The following UBXN4 variants were observed in gnomAD, a reference collection of about 807,000 sequenced individuals.
UBXN4 encodes UBX domain protein 4, also known as UBX domain-containing protein 4.
In UBXN4, 35 loss-of-function variants were observed where a neutral mutation model predicts 66.2. That is an observed-to-expected ratio of 0.53 (90% CI 0.40 to 0.70). The LOEUF is 0.70. Among genes scored for constraint, UBXN4 ranks in the 30% least tolerant of loss-of-function variants. The pLI, the probability that UBXN4 is intolerant of heterozygous loss-of-function variation, is 0.00. For missense variants in UBXN4, 533 were observed against 599.8 expected (o/e 0.89, Z 1.16); for synonymous variants, 203 against 204.5 (o/e 0.99, Z 0.06).
intron 1 of UBXN4, among the ~76,000 whole-genome samples, chr2:135,746,762 G>A (rs540731893): frequency 6.6e-6 from 1 of 152,286 alleles, no homozygotes; most frequent in East Asian, 1.9e-4. Context: ...AAGGAATGAG[G>A]TCACAGAGGT....
chr2:135,755,206 A>G (rs2077272193), intron 4 of UBXN4, among the ~76,000 whole-genome samples: 1 of 151,852 alleles, frequency 6.6e-6, no homozygotes, highest in Admixed American at 6.5e-5. Flanking sequence ...GTTATACTCA[A>G]TAATTAATCA....
intron 8 of UBXN4, 125 bp from the exon 9 acceptor site, chr2:135,772,295 C>A: frequency 8.5e-7 from 1 of 1,174,470 alleles, no homozygotes; most frequent in Non-Finnish European, 1.2e-6. Context: ...TGCACTCCAG[C>A]CTTGATGACA....
In UBXN4 at chr2:135,770,575, A is replaced by T. The variant is rs2077377674; in HGVS notation, c.662A>T (p.Glu221Val). 2 of 1,485,104 alleles carry T rather than the reference A, an allele frequency of 1.3e-6. No individual in the cohort carries two copies. Among genetic ancestry groups the T allele is most frequent in the Non-Finnish European group, 1.8e-6 (2 of 1,116,044 alleles). 92.0% of individuals were successfully genotyped at this position (1,485,104 alleles called of 1,614,324 possible). A position where few individuals can be genotyped will look rare whatever the true frequency, so the allele number is the denominator to read the frequency against. ...EEKRKEEEQR[E>V]IKKEIERRKT... ...AAAACTTTTTCTTTAATTCAGAGAGAAATTAAGAAGGAAATTGAGAGGAGA... is the reference window on the plus strand; with the variant it reads ...AAAACTTTTTCTTTAATTCAGAGAGTAATTAAGAAGGAAATTGAGAGGAGA... The change falls in exon 8 of 13, where the codon GAA becomes GTA. Residue 221 changes from glutamate (E) to valine (V), a missense_variant. Glu to Val is a moderately radical substitution (Grantham distance 121). Transcript: ENST00000272638.
Position 135,784,726 on chromosome 2 carries a change from A to C in UBXN4, c.*1839A>C, listed in dbSNP as rs1164115441. On this transcript the variant is annotated 3_prime_UTR_variant, in exon 13 of 13. Coordinates refer to ENST00000272638, the MANE Select transcript of UBXN4 (RefSeq NM_014607.4). ...GACCCTACTAATAATTATTAGAAAT[A>C]CATTTAAAAACATCGAGTACCTCAA... 6.5e-6 allele frequency: 1 copy of C among 152,684 alleles called. No homozygotes were observed. The highest frequency in any genetic ancestry group is 1.5e-5 in the Non-Finnish European group (1 of 68,036). 9.5% of individuals were successfully genotyped at this position (152,684 alleles called of 1,614,324 possible).
At chr2:135,779,880 TATA>T (rs72432173) in intron 11 of UBXN4, among the ~76,000 whole-genome samples, 74,895 of 138,976 alleles carry the variant, frequency 0.54, 23,851 homozygotes, top group Non-Finnish European at 0.74. Context: ...ATTTTATAAT[TATA>T]ATATATTATA....
chr2:135,743,161 G>A (rs1283940120), intron 1 of UBXN4, among the ~76,000 whole-genome samples: 1 of 152,204 alleles, frequency 6.6e-6, no homozygotes, highest in Non-Finnish European at 1.5e-5. Flanking sequence ...ATGCACTGCA[G>A]TGAAGAACGA....
chr2:135,743,645 G>A (rs376031306), intron 1 of UBXN4, among the ~76,000 whole-genome samples: 2 of 152,088 alleles, frequency 1.3e-5, no homozygotes, highest in East Asian at 3.9e-4. Context: ...TTGTAAATTG[G>A]TGATTTAAAT....
rs144685024 is a variant in UBXN4 at position 135,754,453 on chromosome 2, G to A, written c.333+176G>A. On this transcript the variant is annotated intron_variant, in intron 4 of 12. Transcript: ENST00000272638. ...TTCTCCTGCCCCAGCCTCCCAAGTA[G>A]CTGGGATTACAGGCACCTGCCACCA... Among the ~76,000 whole-genome samples the A allele has an allele frequency of 2.2e-3, 337 of 152,164 alleles. 1 individual carries two copies. The highest frequency in any genetic ancestry group is 7.6e-3 in the African/African-American group (316 of 41,500).
intron 8 of UBXN4, 77 bp from the exon 9 acceptor site, chr2:135,772,343 C>A: frequency 6.5e-7 from 1 of 1,538,516 alleles, no homozygotes; most frequent in Non-Finnish European, 8.8e-7. Context: ...AAAAAAATTC[C>A]ATGCATATTT....
At chr2:135,760,046 G>C (rs2077306060) in intron 5 of UBXN4, among the ~76,000 whole-genome samples, 1 of 152,026 alleles carries the variant, frequency 6.6e-6, no homozygotes, top group Non-Finnish European at 1.5e-5. Context: ...GGGACTACAG[G>C]TGTGAGCCAC....
intron 6 of UBXN4, among the ~76,000 whole-genome samples, chr2:135,767,626 T>G (rs1223011909): frequency 6.6e-6 from 1 of 152,246 alleles, no homozygotes; most frequent in East Asian, 1.9e-4. Flanking sequence ...GTATTCTGTT[T>G]GACTCTACCT....
At chr2:135,742,423 G>C (rs1229079652) in intron 1 of UBXN4, 1 of 161,606 alleles carries the variant, frequency 6.2e-6, no homozygotes, top group Non-Finnish European at 1.4e-5. Context: ...CTCCCCGCTC[G>C]GGGCGACGGA....
intron 5 of UBXN4, among the ~76,000 whole-genome samples, chr2:135,758,897 T>C (rs916892010): frequency 6.6e-6 from 1 of 152,080 alleles, no homozygotes. Context: ...TAGCTGGGAC[T>C]ACAGGCGTGC....
chr2:135,752,491 G>C (rs1466026183), intron 2 of UBXN4, among the ~76,000 whole-genome samples: 2 of 152,046 alleles, frequency 1.3e-5, no homozygotes, highest in African/African-American at 4.8e-5. Context: ...CTTTTTTTGT[G>C]ATTGCATAAT....
intron 2 of UBXN4, among the ~76,000 whole-genome samples, chr2:135,748,734 A>T (rs1000059371): frequency 1.7e-4 from 26 of 151,998 alleles, no homozygotes; most frequent in African/African-American, 6.0e-4. Context: ...CAAAAAAAAA[A>T]AAAAAAGAAT....
At chr2:135,766,127 T>C (rs1408668750) in intron 6 of UBXN4, among the ~76,000 whole-genome samples, 1 of 150,044 alleles carries the variant, frequency 6.7e-6, no homozygotes, top group Non-Finnish European at 1.5e-5. Flanking sequence ...CACTCCAGCG[T>C]GGGCAATAAG....
At position 135,784,977 on chromosome 2, in the gene UBXN4, A is replaced by C. The variant is rs2077474915; in HGVS notation, c.*2090A>C. 1.3e-5 allele frequency: 2 copies of C among 152,358 alleles called. No individual in the cohort carries two copies. The highest frequency in any genetic ancestry group is 2.9e-5 in the Non-Finnish European group (2 of 68,038). The allele number at this position is 152,358 out of a possible 1,614,324, so 9.4% of individuals were successfully genotyped here. A position where few individuals can be genotyped will look rare whatever the true frequency, so the allele number is the denominator to read the frequency against. ...AGAGGTAATCTATTAACAATTTCTTATGTAATTTTCAGAAAATTTGTATGC... is the reference window on the plus strand; with the variant it reads ...AGAGGTAATCTATTAACAATTTCTTCTGTAATTTTCAGAAAATTTGTATGC... On this transcript the variant is annotated 3_prime_UTR_variant, in exon 13 of 13. Coordinates refer to ENST00000272638, the MANE Select transcript of UBXN4 (RefSeq NM_014607.4).
At chr2:135,751,070 G>T (rs923802111) in intron 2 of UBXN4, among the ~76,000 whole-genome samples, 1 of 146,350 alleles carries the variant, frequency 6.8e-6, no homozygotes, top group African/African-American at 2.5e-5. Context: ...TTTCACCATG[G>T]TCTCGATCTC....
At chr2:135,779,876 TAA>T (rs2077439022) in intron 11 of UBXN4, among the ~76,000 whole-genome samples, 1 of 73,412 alleles carries the variant, frequency 1.4e-5, no homozygotes, top group Admixed American at 1.2e-4. Context: ...AATAATTTTA[TAA>T]TTATAATATA....
Sources: gnomAD v4.1 joint callset for allele counts (sites outside exome capture counted in the v4.1 genomes callset) on GRCh38, gnomAD v4.1.1 for gene constraint, MANE v1.5 for transcripts, NCBI Gene and HGNC (gene_info 2026-07-23, HGNC 2026-07-21) for gene names.